DNM1: variants seen among roughly 807,000 people sequenced by gnomAD.
DNM1 encodes the protein dynamin-1.
A neutral mutation model predicts 104.6 loss-of-function variants in DNM1; 29 were observed. That is an observed-to-expected ratio of 0.28 (90% CI 0.21 to 0.38). The LOEUF (loss-of-function observed/expected upper bound fraction) is 0.38, where lower values mean the gene tolerates loss of function less well. Ranked by LOEUF, DNM1 falls within the 10% of genes least tolerant of loss-of-function variation. The probability of loss-of-function intolerance (pLI) is 1.00; values close to 1 mark genes in which losing one functional copy is unlikely to be tolerated. For synonymous variants in DNM1, 445 were observed against 475.8 expected, an observed-to-expected ratio of 0.94 and a Z score of 0.84; for missense variants, 640 against 1,189.4, an observed-to-expected ratio of 0.54 and a Z score of 6.79.
Position 128,253,789 on chromosome 9 carries a change from C to T in DNM1, c.2535-865C>T, listed in dbSNP as rs1829675668. 3 of 515,182 alleles carry T rather than the reference C, an allele frequency of 5.8e-6. No individual in the cohort carries two copies. The highest frequency in any genetic ancestry group is 1.1e-4 in the South Asian group (1 of 9,476). The allele number at this position is 515,182 out of a possible 1,614,324, so 31.9% of individuals were successfully genotyped here. The stretch of plus-strand genomic sequence containing the variant: ...GCCCCCTTCCCTCCCTCCCAGGTAC[C>T]GTCATAGCTGCTAGTGTGACTGAAG... On this transcript the variant is annotated intron_variant, in intron 21 of 21. Transcript: ENST00000372923. This position sits in a 1 kb window ranked among gnomAD's most constrained non-coding sequence, Gnocchi z 5.9.
At chr9:128,226,778 T>C (rs1285064454) in intron 10 of DNM1, among the ~76,000 whole-genome samples, 1 of 152,180 alleles carries the variant, frequency 6.6e-6, no homozygotes, top group East Asian at 1.9e-4. Context: ...CTTTTTCCTA[T>C]TTGTCTGCTT....
chr9:128,209,927 G>A (rs1193072877), intron 1 of DNM1, among the ~76,000 whole-genome samples: 1 of 152,226 alleles, frequency 6.6e-6, no homozygotes, highest in Non-Finnish European at 1.5e-5. Flanking sequence ...GCCAGAGGAG[G>A]TCCAGAGAGG....
In DNM1 at chr9:128,220,742, C is replaced by CGCGCGTGTGTGTGTGTGTGTGTGTGTGT. The variant is rs61020870; in HGVS notation, c.849+402_849+403insCGCGTGTGTGTGTGTGTGTGTGTGTGTG. On this transcript the variant is annotated intron_variant, in intron 6 of 21. Transcript: ENST00000372923. The surrounding 1 kb of genome is among the most constrained non-coding windows in gnomAD (Gnocchi z 5.2). ...CAGAACTGAAGTGCGCGCGCGCGCGCGTGTGTGTGTGTGTGTGTGTGTGTG... is the reference window on the plus strand; with the variant it reads ...CAGAACTGAAGTGCGCGCGCGCGCGCGCGCGTGTGTGTGTGTGTGTGTGTGTGTGTGTGTGTGTGTGTGTGTGTGTGTG... Among the ~76,000 whole-genome samples the CGCGCGTGTGTGTGTGTGTGTGTGTGTGT allele has an allele frequency of 7.3e-6, 1 of 136,278 alleles. No homozygotes were observed. The highest frequency in any genetic ancestry group is 1.6e-5 in the Non-Finnish European group (1 of 63,298). 89.4% of individuals were successfully genotyped at this position (136,278 alleles called of 152,430 possible).
intron 4 of DNM1, 134 bp downstream of exon 4, chr9:128,219,386 G>A: frequency 1.2e-6 from 1 of 820,788 alleles, no homozygotes; most frequent in Non-Finnish European, 1.9e-6. Flanking sequence ...ATCACTTTGG[G>A]GGTCAGGCAT....
rs1588370851 is a variant in DNM1, at chr9:128,222,868, T to C, written c.1196+8T>C. 3 of 1,613,818 alleles carry C rather than the reference T, an allele frequency of 1.9e-6. No individual in the cohort carries two copies. Among genetic ancestry groups the C allele is most frequent in the East Asian group, 2.2e-5 (1 of 44,888 alleles). On this transcript the variant is annotated splice_region_variant and intron_variant, in intron 9 of 21. Coordinates refer to ENST00000372923, the MANE Select transcript of DNM1 (RefSeq NM_004408.4). The surrounding 1 kb of genome is among the most constrained non-coding windows in gnomAD (Gnocchi z 7.8). ...GAATATCCATGGCATTAGGCACGTA[T>C]TGGGGCCTGGGAGGGTGGCTGAACC...
intron 13 of DNM1, 56 bp downstream of exon 13, chr9:128,239,835 G>C (rs947067282): frequency 6.3e-7 from 1 of 1,581,894 alleles, no homozygotes; most frequent in African/African-American, 1.3e-5. Flanking sequence ...ACGGACACCA[G>C]ACTCTGAGAG....
intron 1 of DNM1, among the ~76,000 whole-genome samples, chr9:128,209,307 C>T (rs2502817): frequency 0.64 from 97,770 of 151,862 alleles, 32,095 homozygotes; most frequent in East Asian, 0.99. Flanking sequence ...TGGCAGACAG[C>T]ATCTGATCTC....
In DNM1 at chr9:128,243,756, G is replaced by A. The variant is rs1268130587; in HGVS notation, c.1671+1411G>A. ...CCTGGGGCTGAGGGCCGGAGACCGGGTGACACTGTGGGGGAGGGGCACGTG... is the reference window on the plus strand; with the variant it reads ...CCTGGGGCTGAGGGCCGGAGACCGGATGACACTGTGGGGGAGGGGCACGTG... On this transcript the variant is annotated intron_variant, in intron 15 of 21. Coordinates refer to ENST00000372923, the MANE Select transcript of DNM1 (RefSeq NM_004408.4). This position sits in a 1 kb window ranked among gnomAD's most constrained non-coding sequence, Gnocchi z 4.0. Among the ~76,000 whole-genome samples, 1 of 152,168 alleles carries A rather than the reference G, an allele frequency of 6.6e-6. No homozygotes were observed. Among genetic ancestry groups the A allele is most frequent in the Non-Finnish European group, 1.5e-5 (1 of 68,018 alleles).
intron 10 of DNM1, among the ~76,000 whole-genome samples, chr9:128,225,037 G>A (rs1050190851): frequency 1.3e-5 from 2 of 152,124 alleles, no homozygotes; most frequent in African/African-American, 2.4e-5. Context: ...ACAGAAGCAC[G>A]CAGGGAGGCA....
chr9:128,232,759 G>A (rs1185393100), intron 10 of DNM1: 1 of 152,460 alleles, frequency 6.6e-6, no homozygotes, highest in African/African-American at 2.4e-5. Context: ...GAGCCCCTGG[G>A]GGTGGGCTCC....
At chr9:128,249,167 T>C (rs1829351920) in intron 19 of DNM1, among the ~76,000 whole-genome samples, 1 of 140,718 alleles carries the variant, frequency 7.1e-6, no homozygotes, top group African/African-American at 2.7e-5. Flanking sequence ...CACTCCAGCC[T>C]GGCCGACAGA....
chr9:128,209,750 C>A (rs747765185), intron 1 of DNM1, among the ~76,000 whole-genome samples: 1 of 152,226 alleles, frequency 6.6e-6, no homozygotes, highest in Admixed American at 6.5e-5. Context: ...CCAGAAAGGA[C>A]CCACCTTGGG....
Position 128,248,777 on chromosome 9 carries a change from C to A in DNM1, c.2076+24C>A. 1 of 1,600,268 alleles carries A rather than the reference C, an allele frequency of 6.2e-7. No individual in the cohort carries two copies. Among genetic ancestry groups the A allele is most frequent in the Non-Finnish European group, 8.6e-7 (1 of 1,169,030 alleles). ...ATGTGCGTGCTCCACTGCATGGGGGCAGGGAAATCCTGTGGCACTGGGGAT... is the reference window on the plus strand; with the variant it reads ...ATGTGCGTGCTCCACTGCATGGGGGAAGGGAAATCCTGTGGCACTGGGGAT... On this transcript the variant is annotated intron_variant, in intron 19 of 21. Transcript: ENST00000372923. This position sits in a 1 kb window ranked among gnomAD's most constrained non-coding sequence, Gnocchi z 5.6.
chr9:128,248,648 G>A lies in DNM1; in HGVS notation c.1971G>A (p.Arg657=), dbSNP rs758081056. The change falls in exon 19 of 22, where the codon CGG becomes CGA. Residue 657 remains arginine, a synonymous_variant. Transcript: ENST00000372923. The surrounding 1 kb of genome is among the most constrained non-coding windows in gnomAD (Gnocchi z 5.6). ...ATTCCATGGACCCACAGCTGGAACG[G>A]CAAGTGGAGACCATCCGGAATCTTG... ...FMHSMDPQLE[R]QVETIRNLVD... The A allele has an allele frequency of 1.9e-6, 3 of 1,614,080 alleles. No homozygotes were observed. In the Admixed American group the frequency reaches 5.0e-5, roughly 27 times the overall value.
intron 1 of DNM1, among the ~76,000 whole-genome samples, chr9:128,206,631 G>A (rs1833987084): frequency 6.6e-6 from 1 of 152,152 alleles, no homozygotes; most frequent in Non-Finnish European, 1.5e-5. Context: ...TAACTTGCCA[G>A]GGGCGGGAGA....
chr9:128,242,797 G>T (rs979905458), intron 15 of DNM1, among the ~76,000 whole-genome samples: 2 of 152,158 alleles, frequency 1.3e-5, no homozygotes, highest in Non-Finnish European at 2.9e-5. Context: ...GGGATGCAAG[G>T]GTCCAAGGCA....
chr9:128,228,579 A>G (rs1052741268), intron 10 of DNM1, among the ~76,000 whole-genome samples: 14 of 152,362 alleles, frequency 9.2e-5, no homozygotes, highest in East Asian at 1.9e-4. Context: ...AAATGTTTAT[A>G]TCTAGTAATC....
chr9:128,215,942 G>A (rs528388802), intron 1 of DNM1, among the ~76,000 whole-genome samples: 18 of 152,048 alleles, frequency 1.2e-4, no homozygotes, highest in South Asian at 8.3e-4. Flanking sequence ...CACAGCCCTG[G>A]GGGACTCCCA....
At chr9:128,219,927 G>T in intron 4 of DNM1, 61 bp from the exon 5 acceptor site, 1 of 1,351,854 alleles carries the variant, frequency 7.4e-7, no homozygotes, top group Admixed American at 2.1e-5. Context: ...GAGTGGGAGT[G>T]CATGGAATTG....
Sources: gnomAD v4.1 joint callset for allele counts (sites outside exome capture counted in the v4.1 genomes callset) on GRCh38, gnomAD v4.1.1 for gene constraint, Gnocchi (gnomAD v3.1) non-coding constraint, MANE v1.5 for transcripts, NCBI Gene and HGNC (gene_info 2026-07-23, HGNC 2026-07-21) for gene names.